CACNB4: variants seen among roughly 807,000 people sequenced by gnomAD.
CACNB4 encodes the protein voltage-dependent L-type calcium channel subunit beta-4.
CACNB4 carries 32 observed loss-of-function variants against 71.2 expected under a neutral mutation model. The observed-to-expected ratio is 0.45, with a 90% CI of 0.34 to 0.60. CACNB4 has a LOEUF of 0.60. Ranked by LOEUF, CACNB4 falls within the 20% of genes least tolerant of loss-of-function variation. The pLI, the probability that CACNB4 is intolerant of heterozygous loss-of-function variation, is 0.01. For synonymous variants in CACNB4, 231 were observed against 236.9 expected, an observed-to-expected ratio of 0.97 and a Z score of 0.23; for missense variants, 464 against 647.9, an observed-to-expected ratio of 0.72 and a Z score of 3.08.
intron 2 of CACNB4, among the ~76,000 whole-genome samples, chr2:152,067,132 CTT>C (rs1215291998): frequency 4.0e-5 from 6 of 151,594 alleles, no homozygotes; most frequent in Admixed American, 3.9e-4. Context: ...TACCCTAAAA[CTT>C]AAAGTATAAT....
In CACNB4 at chr2:151,860,812, A is replaced by G; in HGVS notation, c.767T>C (p.Ile256Thr). 6.2e-7 allele frequency: 1 copy of G among 1,607,200 alleles called. No individual in the cohort carries two copies. ...AGAAATGTCAGCTGTCACTCTCGTT[A>G]TTGAAATCCTATGAATAGGAACACA... ...LKHRFDGRIS[I>T]TRVTADISLA... The change falls in exon 10 of 14, where the codon ATA becomes ACA. Residue 256 changes from isoleucine (I) to threonine (T), a missense_variant. This residue lies in a region of CACNB4 where 299 missense variants were observed against 471.7 expected (regional missense o/e 0.63). Coordinates refer to ENST00000539935, the MANE Select transcript of CACNB4 (RefSeq NM_000726.5).
intron 2 of CACNB4, among the ~76,000 whole-genome samples, chr2:151,991,929 A>G (rs1681728021): frequency 6.6e-6 from 1 of 152,224 alleles, no homozygotes; most frequent in Admixed American, 6.5e-5. Context: ...AAGGAGGAAA[A>G]GTCAATGAAG....
chr2:151,920,091 C>T (rs1191610409), intron 2 of CACNB4, among the ~76,000 whole-genome samples: 1 of 151,960 alleles, frequency 6.6e-6, no homozygotes, highest in Non-Finnish European at 1.5e-5. Flanking sequence ...AGTGTCACAC[C>T]AATTTAGAAA....
chr2:151,923,536 T>C (rs2099859479), intron 2 of CACNB4, among the ~76,000 whole-genome samples: 1 of 152,234 alleles, frequency 6.6e-6, no homozygotes, highest in South Asian at 2.1e-4. Flanking sequence ...TGCAGGGAGC[T>C]GGAGGAAGCC....
chr2:151,978,880 C>T (rs2151746303), intron 2 of CACNB4, among the ~76,000 whole-genome samples: 1 of 152,282 alleles, frequency 6.6e-6, no homozygotes, highest in East Asian at 1.9e-4. Flanking sequence ...AGCCTACCTG[C>T]TCTATCTGGC....
At chr2:151,941,889 T>A (rs1353991822) in intron 2 of CACNB4, among the ~76,000 whole-genome samples, 2 of 151,942 alleles carry the variant, frequency 1.3e-5, no homozygotes, top group South Asian at 4.2e-4. Context: ...TGGAAGATAA[T>A]ACTATGATTG....
In CACNB4 at chr2:152,098,236, A is replaced by T; in HGVS notation, c.147+94T>A. ...AGAGACGCGCGCGGGCTTGACCCGC[A>T]GCTCCCGCACGTGTGGGCCACGGCC... On this transcript the variant is annotated intron_variant, in intron 2 of 13. Coordinates refer to ENST00000539935, the MANE Select transcript of CACNB4 (RefSeq NM_000726.5). This position sits in a 1 kb window ranked among gnomAD's most constrained non-coding sequence, Gnocchi z 5.3. The T allele has an allele frequency of 1.0e-6, 1 of 960,924 alleles. No individual in the cohort carries two copies. Among genetic ancestry groups the T allele is most frequent in the Non-Finnish European group, 1.7e-6 (1 of 605,178 alleles). The allele number at this position is 960,924 out of a possible 1,614,324, so 59.5% of individuals were successfully genotyped here.
At chr2:151,913,489 G>C (rs1366643485) in intron 2 of CACNB4, among the ~76,000 whole-genome samples, 1 of 152,102 alleles carries the variant, frequency 6.6e-6, no homozygotes, top group Non-Finnish European at 1.5e-5. Flanking sequence ...GAATAGGCCA[G>C]GTGTGGTGGC....
chr2:151,969,092 C>G (rs1464551332), intron 2 of CACNB4: 1 of 152,228 alleles, frequency 6.6e-6, no homozygotes, highest in Non-Finnish European at 1.5e-5. Flanking sequence ...CACAGCTCAG[C>G]TGAGTAAAAC....
At chr2:151,955,434 C>T (rs1424195135) in intron 2 of CACNB4, among the ~76,000 whole-genome samples, 2 of 152,152 alleles carry the variant, frequency 1.3e-5, no homozygotes, top group Non-Finnish European at 2.9e-5. Context: ...GATCCTTGCC[C>T]TCTAGAGTCC....
intron 2 of CACNB4, among the ~76,000 whole-genome samples, chr2:151,885,757 T>A (rs2099849201): frequency 6.6e-6 from 1 of 152,180 alleles, no homozygotes; most frequent in South Asian, 2.1e-4. Flanking sequence ...TGAATTATAA[T>A]CAAATTCTTC....
chr2:152,080,026 G>A (rs546361656), intron 2 of CACNB4, among the ~76,000 whole-genome samples: 60 of 152,120 alleles, frequency 3.9e-4, no homozygotes, highest in African/African-American at 1.4e-3. Context: ...TTATTGAATT[G>A]TACTCCAGCA....
chr2:152,071,597 A>T (rs1686693653), intron 2 of CACNB4, among the ~76,000 whole-genome samples: 1 of 152,222 alleles, frequency 6.6e-6, no homozygotes, highest in Admixed American at 6.5e-5. Flanking sequence ...TAGTCAAGGG[A>T]AACCTAAGAT....
In CACNB4 at chr2:151,960,530, G is replaced by A. The variant is rs114247423; in HGVS notation, c.148-77160C>T. Among the ~76,000 whole-genome samples the A allele has an allele frequency of 6.2e-3, 951 of 152,250 alleles. 17 individuals are homozygous for A. The highest frequency in any genetic ancestry group is 0.021 in the African/African-American group (883 of 41,546). ...GCACATAACCACCACCATTGCGATCGGTCCCAGGGAGGGCAGTGAAGCAAA... is the reference window on the plus strand; with the variant it reads ...GCACATAACCACCACCATTGCGATCAGTCCCAGGGAGGGCAGTGAAGCAAA... On this transcript the variant is annotated intron_variant, in intron 2 of 13. Coordinates refer to ENST00000539935, the MANE Select transcript of CACNB4 (RefSeq NM_000726.5).
At chr2:152,032,880 G>C (rs1346366569) in intron 2 of CACNB4, among the ~76,000 whole-genome samples, 2 of 152,166 alleles carry the variant, frequency 1.3e-5, no homozygotes, top group African/African-American at 2.4e-5. Context: ...ATTAAGCCCT[G>C]GAGTTCAAGG....
In CACNB4 at chr2:151,880,865, C is replaced by T. The variant is rs751883436; in HGVS notation, c.325G>A (p.Glu109Lys). 3.7e-6 allele frequency: 6 copies of T among 1,613,602 alleles called. No individual in the cohort carries two copies. Among genetic ancestry groups the T allele is most frequent in the South Asian group, 2.2e-5 (2 of 91,040 alleles). The part of the protein sequence containing the change: ...TNVSYCGALD[E>K]DVPVPSTAIS... ...GCTGTGCTTGGAACAGGCACATCCT[C>T]GTCCAGGGCGCCGCAGTAGCTCACA... Residue 109 changes from glutamate to lysine, a missense_variant, in exon 4 of 14, where the codon GAG becomes AAG. Around this residue, in one of 3 missense-constraint regions of CACNB4, gnomAD observed 299 missense variants for 471.7 expected, o/e 0.63. Coordinates refer to ENST00000539935, the MANE Select transcript of CACNB4 (RefSeq NM_000726.5).
chr2:152,075,793 G>A (rs1201929092), intron 2 of CACNB4, among the ~76,000 whole-genome samples: 1 of 152,118 alleles, frequency 6.6e-6, no homozygotes, highest in Non-Finnish European at 1.5e-5. Context: ...CTCAGGCATC[G>A]AATACTGGGC....
At chr2:151,999,376 G>GT (rs5835398) in intron 2 of CACNB4, among the ~76,000 whole-genome samples, 126,108 of 147,568 alleles carry the variant, frequency 0.85, 54,848 homozygotes, top group Non-Finnish European at 0.95. Flanking sequence ...CCCTGTTATG[G>GT]TTTTTTTTTT....
rs1187430927 is a variant in CACNB4 at position 152,098,468 on chromosome 2, C to A, written c.64-55G>T. 1.3e-6 allele frequency: 2 copies of A among 1,513,886 alleles called. No homozygotes were observed. The highest frequency in any genetic ancestry group is 1.4e-5 in the African/African-American group (1 of 72,982). The allele number at this position is 1,513,886 out of a possible 1,614,324, so 93.8% of individuals were successfully genotyped here. ...AGCCGGTGAGGACCGCAGCGCAGAGCGGGGCGACCACCCCCGGCTGGAGTC... is the reference window on the plus strand; with the variant it reads ...AGCCGGTGAGGACCGCAGCGCAGAGAGGGGCGACCACCCCCGGCTGGAGTC... On this transcript the variant is annotated intron_variant, in intron 1 of 13. Coordinates refer to ENST00000539935, the MANE Select transcript of CACNB4 (RefSeq NM_000726.5). This position sits in a 1 kb window ranked among gnomAD's most constrained non-coding sequence, Gnocchi z 5.3.
Sources: allele counts gnomAD v4.1 joint callset (sites outside exome capture counted in the v4.1 genomes callset), GRCh38; gene constraint gnomAD v4.1.1; regional missense constraint gnomAD v4.1.1; non-coding constraint Gnocchi (gnomAD v3.1); transcripts MANE v1.5; gene names NCBI Gene and HGNC (gene_info 2026-07-23, HGNC 2026-07-21).